Variants in TSPAN8 observed in about 807,000 individuals in gnomAD.
The protein encoded by TSPAN8 is tetraspanin-8.
In TSPAN8, 21 loss-of-function variants were observed where a neutral mutation model predicts 32.8. The observed-to-expected ratio is 0.64, with a 90% confidence interval of 0.45 to 0.92. The LOEUF is 0.92. Among genes scored for constraint, TSPAN8 ranks in the 40% least tolerant of loss-of-function variants. TSPAN8 has a pLI of 0.00. For synonymous variants in TSPAN8, 95 were observed against 94.6 expected, an observed-to-expected ratio of 1.00 and a Z score of -0.03; for missense variants, 269 against 281.9, an observed-to-expected ratio of 0.95 and a Z score of 0.33.
chr12:71,141,802 A>C (rs1332385573), intron 3 of TSPAN8, among the ~76,000 whole-genome samples: 2 of 152,196 alleles, frequency 1.3e-5, no homozygotes, highest in Non-Finnish European at 2.9e-5. Context: ...TCTTGAATGA[A>C]CACTGTGTCC....
chr12:71,154,948 A>G (rs1382970557), intron 2 of TSPAN8, among the ~76,000 whole-genome samples: 1 of 152,232 alleles, frequency 6.6e-6, no homozygotes, highest in Admixed American at 6.5e-5. Flanking sequence ...GAGATGGAAC[A>G]AATTGCACAT....
chr12:71,153,028 T>C (rs1394476331), intron 2 of TSPAN8, among the ~76,000 whole-genome samples: 1 of 152,196 alleles, frequency 6.6e-6, no homozygotes, highest in Non-Finnish European at 1.5e-5. Context: ...CTCCTCCCTA[T>C]GACTCATTTG....
intron 2 of TSPAN8, among the ~76,000 whole-genome samples, chr12:71,149,190 C>A (rs1379701155): frequency 1.3e-5 from 2 of 151,892 alleles, no homozygotes; most frequent in African/African-American, 4.8e-5. Flanking sequence ...CATGGTGAAA[C>A]CTTGTCTCTA....
At chr12:71,135,531 G>A (rs1442195213) in intron 6 of TSPAN8, among the ~76,000 whole-genome samples, 1 of 150,338 alleles carries the variant, frequency 6.7e-6, no homozygotes, top group African/African-American at 2.4e-5. Flanking sequence ...AGGAGAAGGG[G>A]AAGGAGAAGG....
chr12:71,134,072 G>A (rs1479718809), intron 6 of TSPAN8, among the ~76,000 whole-genome samples: 1 of 152,116 alleles, frequency 6.6e-6, no homozygotes, highest in Non-Finnish European at 1.5e-5. Flanking sequence ...TTACACATTA[G>A]TTTAACCTCT....
chr12:71,155,015 G>T (rs972147120), intron 2 of TSPAN8, among the ~76,000 whole-genome samples: 32 of 152,188 alleles, frequency 2.1e-4, no homozygotes, highest in African/African-American at 7.0e-4. Flanking sequence ...GATACTTAAA[G>T]AAATACTAAC....
chr12:71,127,544 C>T (rs373693114), intron 8 of TSPAN8, among the ~76,000 whole-genome samples: 13 of 152,022 alleles, frequency 8.6e-5, no homozygotes, highest in Admixed American at 1.3e-4. Context: ...ATGATAGTAA[C>T]GCAAAAACTT....
At chr12:71,140,672 C>T (rs1158973278) in intron 3 of TSPAN8, among the ~76,000 whole-genome samples, 1 of 152,238 alleles carries the variant, frequency 6.6e-6, no homozygotes, top group African/African-American at 2.4e-5. Flanking sequence ...CCCAACAACA[C>T]ACACATACTC....
At position 71,125,181 on chromosome 12, in the gene TSPAN8, A is replaced by G; in HGVS notation, c.*153T>C. Reference sequence around the variant, plus strand: ...ATCCCTCAAATCTTAAATGTGTTCAATATGTCTAGAAGATATCTGTGGTCT... The same window carrying G: ...ATCCCTCAAATCTTAAATGTGTTCAGTATGTCTAGAAGATATCTGTGGTCT... On this transcript the variant is annotated 3_prime_UTR_variant, in exon 9 of 9. Coordinates refer to ENST00000247829, the MANE Select transcript of TSPAN8 (RefSeq NM_004616.3). 3.6e-6 allele frequency: 2 copies of G among 562,678 alleles called. No individual in the cohort carries two copies. The highest frequency in any genetic ancestry group is 2.8e-5 in the East Asian group (1 of 35,264). 34.9% of individuals were successfully genotyped at this position (562,678 alleles called of 1,614,324 possible).
At chr12:71,130,466 T>C (rs1042103020) in intron 7 of TSPAN8, among the ~76,000 whole-genome samples, 2 of 152,160 alleles carry the variant, frequency 1.3e-5, no homozygotes, top group Admixed American at 6.5e-5. Context: ...ACTTCAAGAA[T>C]TGTAAATTAT....
chr12:71,140,383 G>A (rs931798384), intron 3 of TSPAN8, among the ~76,000 whole-genome samples: 4 of 152,196 alleles, frequency 2.6e-5, no homozygotes, highest in Non-Finnish European at 5.9e-5. Flanking sequence ...AATCAAAGCA[G>A]TGCTTGACTT....
intron 2 of TSPAN8, among the ~76,000 whole-genome samples, chr12:71,149,488 A>G (rs972339583): frequency 3.3e-5 from 5 of 152,206 alleles, no homozygotes; most frequent in Non-Finnish European, 7.3e-5. Flanking sequence ...CCAGCAGAGT[A>G]AATTAAAATC....
chr12:71,138,834 G>A (rs372174803), intron 4 of TSPAN8, among the ~76,000 whole-genome samples: 16 of 152,144 alleles, frequency 1.1e-4, no homozygotes, highest in South Asian at 6.2e-4. Context: ...TGTCTCTACC[G>A]TCCCTCACAA....
At chr12:71,139,942 C>G (rs1238583483) in intron 3 of TSPAN8, 94 bp from the exon 4 acceptor site, 3 of 1,189,130 alleles carry the variant, frequency 2.5e-6, no homozygotes, top group Non-Finnish European at 3.3e-6. Flanking sequence ...TCCTATGTGT[C>G]AAGTCCTGTG....
chr12:71,147,813 T>C (rs1015525602), intron 2 of TSPAN8, among the ~76,000 whole-genome samples: 9 of 152,182 alleles, frequency 5.9e-5, no homozygotes, highest in African/African-American at 2.2e-4. Context: ...CAAAGTTTAT[T>C]AGAAATTTAG....
At chr12:71,156,119 A>G (rs1012057941) in intron 2 of TSPAN8, among the ~76,000 whole-genome samples, 2 of 152,032 alleles carry the variant, frequency 1.3e-5, no homozygotes, top group African/African-American at 2.4e-5. Flanking sequence ...ATGTGCTTCA[A>G]AATAATATGG....
rs1871449274 is a variant in TSPAN8 at position 71,129,429 on chromosome 12, A to AC, written c.577-16_577-15insG. On this transcript the variant is annotated splice_polypyrimidine_tract_variant and intron_variant, in intron 7 of 8. Coordinates refer to ENST00000247829, the MANE Select transcript of TSPAN8 (RefSeq NM_004616.3). ...GAAATACAGGTCTGTTAAAAAAAAAAAACATTAAAAGTTACCTCTCAGAAA... is the reference window on the plus strand; with the variant it reads ...GAAATACAGGTCTGTTAAAAAAAAAACAACATTAAAAGTTACCTCTCAGAAA... 6.4e-7 allele frequency: 1 copy of AC among 1,556,044 alleles called. No homozygotes were observed. Among genetic ancestry groups the AC allele is most frequent in the East Asian group, 2.3e-5 (1 of 43,958 alleles).
At chr12:71,157,598 A>C (rs1872485866) in intron 2 of TSPAN8, 21 bp downstream of exon 2, 1 of 1,547,426 alleles carries the variant, frequency 6.5e-7, no homozygotes, top group African/African-American at 1.4e-5. Flanking sequence ...TAAAATTGAT[A>C]ATTAAAAGGA....
intron 2 of TSPAN8, among the ~76,000 whole-genome samples, chr12:71,154,585 A>G (rs1300363424): frequency 6.6e-6 from 1 of 152,112 alleles, no homozygotes; most frequent in Non-Finnish European, 1.5e-5. Context: ...ACTTTCCAGG[A>G]TGTTTTAATA....
Sources: gnomAD v4.1 joint callset for allele counts (sites outside exome capture counted in the v4.1 genomes callset) on GRCh38, gnomAD v4.1.1 for gene constraint, MANE v1.5 for transcripts, NCBI Gene and HGNC (gene_info 2026-07-23, HGNC 2026-07-21) for gene names.